Variants in KAT2B observed in about 807,000 individuals in gnomAD.
The protein encoded by KAT2B is histone acetyltransferase KAT2B.
A neutral mutation model predicts 105.9 loss-of-function variants in KAT2B; 36 were observed. That is an observed-to-expected ratio of 0.34 (90% CI 0.26 to 0.45). KAT2B has a LOEUF of 0.45. Among genes scored for constraint, KAT2B ranks in the 20% least tolerant of loss-of-function variants. The probability of loss-of-function intolerance (pLI) is 1.00; values close to 1 mark genes in which losing one functional copy is unlikely to be tolerated. For missense variants in KAT2B, 820 were observed against 1,021.6 expected, an observed-to-expected ratio of 0.80 and a Z score of 2.69; for synonymous variants, 397 against 377.9, an observed-to-expected ratio of 1.05 and a Z score of -0.59.
chr3:20,061,098 G>A (rs1698092328), intron 1 of KAT2B, among the ~76,000 whole-genome samples: 1 of 152,134 alleles, frequency 6.6e-6, no homozygotes, highest in South Asian at 2.1e-4. Flanking sequence ...ACACTTTTCA[G>A]CTTGCAAAAC....
At position 20,103,655 on chromosome 3, in the gene KAT2B, C is replaced by T. The variant is rs983300895; in HGVS notation, c.851+2187C>T. 8.5e-5 allele frequency among the ~76,000 whole-genome samples: 13 copies of T among 152,134 alleles called. No individual in the cohort carries two copies. In the East Asian group the frequency reaches 2.3e-3, roughly 27 times the overall value. ...AACTCCTGACCTCAAGCAATCCTCC[C>T]ACCTTGGCCTCCCAAAGTGCTGAGA... On this transcript the variant is annotated intron_variant, in intron 5 of 17. Transcript: ENST00000263754.
At chr3:20,129,375 CTT>C (rs537697916) in intron 11 of KAT2B, among the ~76,000 whole-genome samples, 51 of 136,164 alleles carry the variant, frequency 3.7e-4, no homozygotes, top group Admixed American at 5.9e-4. Context: ...TCTGTACTGT[CTT>C]TTTTTTTTTT....
At chr3:20,058,095 C>A (rs879938207) in intron 1 of KAT2B, among the ~76,000 whole-genome samples, 5 of 152,108 alleles carry the variant, frequency 3.3e-5, no homozygotes, top group Non-Finnish European at 5.9e-5. Context: ...CTTTCTGTAG[C>A]CTTGACCACT....
chr3:20,077,048 C>T (rs894846748), intron 2 of KAT2B, among the ~76,000 whole-genome samples: 2 of 152,170 alleles, frequency 1.3e-5, no homozygotes, highest in Non-Finnish European at 2.9e-5. Context: ...GTGTAGTCTC[C>T]TGACAATTTC....
At chr3:20,128,891 C>G (rs886786704) in intron 11 of KAT2B, among the ~76,000 whole-genome samples, 20 of 150,952 alleles carry the variant, frequency 1.3e-4, no homozygotes, top group African/African-American at 4.9e-4. Flanking sequence ...CCCGTAGTCC[C>G]AGCTGCTTGG....
At chr3:20,117,546 A>G (rs1699227686) in intron 7 of KAT2B, among the ~76,000 whole-genome samples, 1 of 152,072 alleles carries the variant, frequency 6.6e-6, no homozygotes, top group Non-Finnish European at 1.5e-5. Context: ...AGAAAAAAAC[A>G]TAGAGCCTGG....
At chr3:20,142,105 A>G (rs1699704602) in intron 13 of KAT2B, among the ~76,000 whole-genome samples, 1 of 152,164 alleles carries the variant, frequency 6.6e-6, no homozygotes, top group South Asian at 2.1e-4. Context: ...TGAGAGCAGG[A>G]TTCCCTTGGC....
chr3:20,090,981 GGCTTAAGCATTTCTCCTACC>G (rs1223466273), intron 2 of KAT2B, among the ~76,000 whole-genome samples: 2 of 151,978 alleles, frequency 1.3e-5, no homozygotes, highest in Non-Finnish European at 2.9e-5. Flanking sequence ...TGAACTCCTA[GGCTTAAGCATTTCTCCTACC>G]TCAGCCTCCT....
chr3:20,058,576 A>G (rs1698042873), intron 1 of KAT2B, among the ~76,000 whole-genome samples: 3 of 151,494 alleles, frequency 2.0e-5, no homozygotes, highest in Admixed American at 1.3e-4. Flanking sequence ...TGTTCTCCTG[A>G]GGGAACCCTG....
rs1185672229 is a variant in KAT2B at position 20,118,747 on chromosome 3, AGAGAG to A, written c.1151-850_1151-846del. On this transcript the variant is annotated intron_variant, in intron 7 of 17. Coordinates refer to ENST00000263754, the MANE Select transcript of KAT2B (RefSeq NM_003884.5). ...GTCTCAAAAAAAAAAAAAAAAAAAA[AGAGAG>A]AGAGCGAACTATATATATAATATAT... is the stretch of plus-strand genomic sequence containing the variant. 3.0e-4 allele frequency among the ~76,000 whole-genome samples: 23 copies of A among 76,226 alleles called. No homozygotes were observed. The South Asian group carries it at 3.3e-3, about 11-fold the overall frequency. 50.0% of individuals were successfully genotyped at this position (76,226 alleles called of 152,430 possible).
chr3:20,045,770 C>A (rs2125162880), intron 1 of KAT2B, among the ~76,000 whole-genome samples: 1 of 152,262 alleles, frequency 6.6e-6, no homozygotes, highest in East Asian at 1.9e-4. Context: ...AGCTCTGCAA[C>A]CTTGGATAAG....
At chr3:20,066,117 C>G (rs1047456813) in intron 1 of KAT2B, among the ~76,000 whole-genome samples, 2 of 152,106 alleles carry the variant, frequency 1.3e-5, no homozygotes, top group African/African-American at 4.8e-5. Flanking sequence ...TTGCCTCTTC[C>G]TAGCATCTGG....
chr3:20,053,468 G>A (rs1420557203), intron 1 of KAT2B, among the ~76,000 whole-genome samples: 2 of 152,208 alleles, frequency 1.3e-5, no homozygotes, highest in Admixed American at 6.5e-5. Context: ...CCAGGAGGTC[G>A]AGGCTGTGGT....
At chr3:20,116,268 C>G (rs1444963659) in intron 7 of KAT2B, among the ~76,000 whole-genome samples, 1 of 152,130 alleles carries the variant, frequency 6.6e-6, no homozygotes, top group African/African-American at 2.4e-5. Context: ...GTGCTATTCA[C>G]TTTACCTTGG....
At chr3:20,048,142 GGTAA>G (rs779490955) in intron 1 of KAT2B, among the ~76,000 whole-genome samples, 7 of 152,154 alleles carry the variant, frequency 4.6e-5, no homozygotes, top group Middle Eastern at 6.8e-3. Context: ...TCTAAAATGC[GGTAA>G]GTGTCATAAA....
intron 1 of KAT2B, among the ~76,000 whole-genome samples, chr3:20,062,190 A>T (rs865837194): frequency 0.034 from 1,354 of 40,154 alleles, 74 homozygotes; most frequent in African/African-American, 0.11. Flanking sequence ...TAATATATAA[A>T]ATATATATAT....
chr3:20,149,495 C>CAAAAAAAAAAAAAAAAAAAAAAAAAA (rs56091316), intron 17 of KAT2B, among the ~76,000 whole-genome samples: 23 of 42,438 alleles, frequency 5.4e-4, no homozygotes, highest in African/African-American at 1.3e-3. Flanking sequence ...GACCGTATCT[C>CAAAAAAAAAAAAAAAAAAAAAAAAAA]AAAAAAAAAA....
At chr3:20,118,207 C>A in intron 7 of KAT2B, among the ~76,000 whole-genome samples, 1 of 142,620 alleles carries the variant, frequency 7.0e-6, no homozygotes, top group Non-Finnish European at 1.5e-5. Context: ...ATATAATATA[C>A]TATATATTTA....
intron 13 of KAT2B, among the ~76,000 whole-genome samples, chr3:20,145,565 T>A (rs866365577): frequency 4.1e-5 from 6 of 147,698 alleles, no homozygotes; most frequent in Middle Eastern, 3.5e-3. Flanking sequence ...TTTTTTTTTT[T>A]TTTTTTTTTT....
Sources: allele counts gnomAD v4.1 joint callset (sites outside exome capture counted in the v4.1 genomes callset), GRCh38; gene constraint gnomAD v4.1.1; transcripts MANE v1.5; gene names NCBI Gene and HGNC (gene_info 2026-07-23, HGNC 2026-07-21).